ZFP30: variants seen among roughly 807,000 people sequenced by gnomAD.
ZFP30 encodes zinc finger protein 30 homolog.
A neutral mutation model predicts 12.3 loss-of-function variants in ZFP30; 16 were observed. That is an observed-to-expected ratio of 1.30 (90% CI 0.88 to 1.98). The LOEUF (loss-of-function observed/expected upper bound fraction) is 1.98. ZFP30 is among the 30% of genes most tolerant of loss of function. The pLI is 0.00. For missense variants in ZFP30, 560 were observed against 611.2 expected, an observed-to-expected ratio of 0.92 and a Z score of 0.88; for synonymous variants, 172 against 201.0, an observed-to-expected ratio of 0.86 and a Z score of 1.22.
At chr19:37,642,782 G>A (rs754962442) in intron 5 of ZFP30, among the ~76,000 whole-genome samples, 9 of 152,020 alleles carry the variant, frequency 5.9e-5, no homozygotes, top group Admixed American at 3.3e-4. Flanking sequence ...GAGGCCAGGC[G>A]CGGTGGCTCA....
chr19:37,645,475 G>C (rs1290968673), intron 3 of ZFP30, among the ~76,000 whole-genome samples: 1 of 150,104 alleles, frequency 6.7e-6, no homozygotes, highest in Non-Finnish European at 1.5e-5. Context: ...CTTTTTTTTT[G>C]TAACAATTAT....
chr19:37,637,345 C>T (rs1478770931), intron 5 of ZFP30, among the ~76,000 whole-genome samples: 2 of 151,568 alleles, frequency 1.3e-5, no homozygotes, highest in African/African-American at 2.4e-5. Context: ...GGTAGGATTA[C>T]AGGCATGTGC....
chr19:37,647,702 G>T (rs1334063885), intron 3 of ZFP30, 112 bp downstream of exon 3: 9 of 1,358,938 alleles, frequency 6.6e-6, no homozygotes, highest in South Asian at 1.2e-5. Context: ...GAAGACTGGG[G>T]AGAAGCTGTT....
intron 5 of ZFP30, among the ~76,000 whole-genome samples, chr19:37,642,991 T>C (rs1236491688): frequency 7.0e-6 from 1 of 143,762 alleles, no homozygotes; most frequent in African/African-American, 2.6e-5. Flanking sequence ...AGGCGGAGCT[T>C]GCAGTGAGCA....
intron 5 of ZFP30, among the ~76,000 whole-genome samples, chr19:37,639,972 C>G (rs1387350264): frequency 6.6e-6 from 1 of 152,104 alleles, no homozygotes; most frequent in Non-Finnish European, 1.5e-5. Context: ...ATGTTTGTTC[C>G]CAAGTTTGCC....
rs2044301937 is a variant in ZFP30 at position 37,635,406 on chromosome 19, C to T, written c.1135G>A (p.Glu379Lys). 1 of 1,614,006 alleles carries T rather than the reference C, an allele frequency of 6.2e-7. No individual in the cohort carries two copies. Among genetic ancestry groups the T allele is most frequent in the Non-Finnish European group, 8.5e-7 (1 of 1,180,036 alleles). ...CATTCCTTACATTCATAGGGCTTTTCACCAGTATGTATTCTCTGATGGAGA... is the reference window on the plus strand; with the variant it reads ...CATTCCTTACATTCATAGGGCTTTTTACCAGTATGTATTCTCTGATGGAGA... ...LTLHQRIHTG[E>K]KPYECKECQK... is the part of the protein sequence containing the mutation. Residue 379 changes from glutamate (E) to lysine (K), a missense_variant, in exon 6 of 6, where the codon GAA (glutamate) becomes AAA (lysine). Physicochemically the swap from Glu to Lys is moderately conservative, Grantham distance 56 (BLOSUM62 1). Coordinates refer to ENST00000684514, the MANE Select transcript of ZFP30 (RefSeq NM_001320669.3).
At chr19:37,637,654 T>C (rs1261445984) in intron 5 of ZFP30, among the ~76,000 whole-genome samples, 1 of 152,032 alleles carries the variant, frequency 6.6e-6, no homozygotes, top group East Asian at 1.9e-4. Flanking sequence ...CACACCTGGC[T>C]AATTTTTGTA....
chr19:37,645,040 C>T (rs1052682501), intron 3 of ZFP30, among the ~76,000 whole-genome samples: 2 of 151,914 alleles, frequency 1.3e-5, no homozygotes. Flanking sequence ...CCCGTCTCTA[C>T]TAAAAATATA....
rs758144665 is a variant in ZFP30, at chr19:37,635,268, G to C, written c.1273C>G (p.Leu425Val). The change falls in exon 6 of 6, where the codon CTT (leucine) becomes GTT (valine). Residue 425 changes from leucine (L) to valine (V), a missense_variant. Transcript: ENST00000684514. ...AAATGAATACTCTGATGTTGAGTAAGCTGTGAGAACAGCCTAAATGCCTTC... is the reference window on the plus strand; with the variant it reads ...AAATGAATACTCTGATGTTGAGTAACCTGTGAGAACAGCCTAAATGCCTTC... ...CGKAFRLFSQ[L>V]TQHQSIHFGE... 5.0e-6 allele frequency: 8 copies of C among 1,614,182 alleles called. No homozygotes were observed. The highest frequency in any genetic ancestry group is 6.8e-6 in the Non-Finnish European group (8 of 1,180,014).
Position 37,631,897 on chromosome 19 carries a change from G to A in ZFP30, c.*3084C>T, listed in dbSNP as rs1218084122. ...TTTCCCATAGAAATTAGAATTACCA[G>A]ATTTCTCTTCATACGGAAAATGTCT... On this transcript the variant is annotated 3_prime_UTR_variant, in exon 6 of 6. Transcript: ENST00000684514. 1 of 152,028 alleles carries A rather than the reference G, an allele frequency of 6.6e-6. No homozygotes were observed. Among genetic ancestry groups the A allele is most frequent in the East Asian group, 1.9e-4 (1 of 5,186 alleles). 9.4% of individuals were successfully genotyped at this position (152,028 alleles called of 1,614,324 possible).
intron 5 of ZFP30, among the ~76,000 whole-genome samples, chr19:37,642,606 C>T (rs1469570526): frequency 2.0e-5 from 3 of 151,956 alleles, no homozygotes; most frequent in African/African-American, 7.3e-5. Context: ...ACTCCATGAA[C>T]ATGGGCAATG....
chr19:37,653,545 CATT>C (rs1347511977), intron 2 of ZFP30, among the ~76,000 whole-genome samples: 1 of 152,150 alleles, frequency 6.6e-6, no homozygotes, highest in African/African-American at 2.4e-5. Context: ...CTCAATATTA[CATT>C]ATACTTTTTT....
intron 5 of ZFP30, among the ~76,000 whole-genome samples, chr19:37,640,085 A>G (rs2044405212): frequency 6.6e-6 from 1 of 152,266 alleles, no homozygotes; most frequent in South Asian, 2.1e-4. Context: ...GGCTATACAT[A>G]AACATTTCAT....
intron 4 of ZFP30, 73 bp downstream of exon 4, chr19:37,644,537 A>AAAAACC: frequency 7.4e-7 from 1 of 1,360,452 alleles, no homozygotes; most frequent in Non-Finnish European, 9.5e-7. Flanking sequence ...CGTCTTTGGA[A>AAAAACC]AAAAACAAAG....
At chr19:37,651,787 G>A (rs2044656649) in intron 2 of ZFP30, among the ~76,000 whole-genome samples, 3 of 152,062 alleles carry the variant, frequency 2.0e-5, no homozygotes, top group Non-Finnish European at 4.4e-5. Context: ...GAATTGCTTG[G>A]GCAGTTTGGA....
At position 37,634,961 on chromosome 19, in the gene ZFP30, A is replaced by C. The variant is rs368112923; in HGVS notation, c.*20T>G. ...CCTATGCTCAACATAAAATTCGCAAAGGAAGAGTTCTAATAATTATTAAGT... is the reference window on the plus strand; with the variant it reads ...CCTATGCTCAACATAAAATTCGCAACGGAAGAGTTCTAATAATTATTAAGT... On this transcript the variant is annotated 3_prime_UTR_variant, in exon 6 of 6. Transcript: ENST00000684514. 50 of 1,512,222 alleles carry C rather than the reference A, an allele frequency of 3.3e-5. 3 individuals are homozygous for C. In the Middle Eastern group the frequency reaches 5.3e-3, roughly 159 times the overall value. The allele number at this position is 1,512,222 out of a possible 1,614,324, so 93.7% of individuals were successfully genotyped here.
At position 37,633,764 on chromosome 19, in the gene ZFP30, AAAAC is replaced by A. The variant is rs923874869; in HGVS notation, c.*1213_*1216del. The A allele has an allele frequency of 3.2e-4, 49 of 152,334 alleles. No homozygotes were observed. Among genetic ancestry groups the A allele is most frequent in the Admixed American group, 3.0e-3 (46 of 15,302 alleles). The allele number at this position is 152,334 out of a possible 1,614,324, so 9.4% of individuals were successfully genotyped here. A position where few individuals can be genotyped will look rare whatever the true frequency, so the allele number is the denominator to read the frequency against. On this transcript the variant is annotated 3_prime_UTR_variant, in exon 6 of 6. Transcript: ENST00000684514. ...TACACAAAAGTAGAATAGCAAAAAC[AAAAC>A]AAATAAAAACCATGTATCCAAGACT...
intron 5 of ZFP30, 57 bp downstream of exon 5, chr19:37,643,208 T>G: frequency 7.0e-7 from 1 of 1,427,230 alleles, no homozygotes; most frequent in Non-Finnish European, 9.7e-7. Flanking sequence ...TGTCTCCTCC[T>G]CAACCAGCAG....
chr19:37,635,648 T>C lies in ZFP30; in HGVS notation c.893A>G (p.Tyr298Cys), dbSNP rs778082723. The change falls in exon 6 of 6, where the codon TAT becomes TGT. Residue 298 changes from tyrosine (Y) to cysteine (C), a missense_variant. Physicochemically the swap from Tyr to Cys is radical, Grantham distance 194. Coordinates refer to ENST00000684514, the MANE Select transcript of ZFP30 (RefSeq NM_001320669.3). ...GGCCTGACCACATTCCTTACACTCA[T>C]AGCACTTCTCAGCAATGTTCAGTCT... ...HQRLNIAEKC[Y>C]ECKECGQAFL... The C allele has an allele frequency of 5.0e-6, 8 of 1,614,120 alleles. No individual in the cohort carries two copies. The highest frequency in any genetic ancestry group is 1.7e-5 in the Admixed American group (1 of 60,022).
Sources: allele counts gnomAD v4.1 joint callset (sites outside exome capture counted in the v4.1 genomes callset), GRCh38; gene constraint gnomAD v4.1.1; transcripts MANE v1.5; gene names NCBI Gene and HGNC (gene_info 2026-07-23, HGNC 2026-07-21).